ADGRB3: variants seen among roughly 807,000 people sequenced by gnomAD.
ADGRB3 encodes adhesion G protein-coupled receptor B3.
Under a neutral mutation model 193.4 loss-of-function variants are expected in ADGRB3, and 37 were observed. That is an observed-to-expected ratio of 0.19 (90% CI 0.15 to 0.25). The LOEUF (loss-of-function observed/expected upper bound fraction) is 0.25, where lower values mean the gene tolerates loss of function less well. ADGRB3 is among the 10% of genes least tolerant of loss of function. The pLI, the probability that ADGRB3 is intolerant of heterozygous loss-of-function variation, is 1.00. For missense variants in ADGRB3, 1,637 were observed against 1,852.9 expected (o/e 0.88, Z 2.14); for synonymous variants, 690 against 644.2 (o/e 1.07, Z -1.08).
intron 3 of ADGRB3, among the ~76,000 whole-genome samples, chr6:68,826,830 A>G (rs2127382298): frequency 6.6e-6 from 1 of 152,330 alleles, no homozygotes; most frequent in East Asian, 1.9e-4. Context: ...AAGAATGACT[A>G]CATTGTTTTG....
intron 3 of ADGRB3, among the ~76,000 whole-genome samples, chr6:68,840,226 G>A (rs1183578478): frequency 6.6e-6 from 1 of 152,118 alleles, no homozygotes; most frequent in Non-Finnish European, 1.5e-5. Flanking sequence ...CACCAAGCTG[G>A]GGTGGCCAAA....
chr6:68,703,772 G>A (rs1157507437), intron 3 of ADGRB3, among the ~76,000 whole-genome samples: 6 of 151,978 alleles, frequency 3.9e-5, no homozygotes, highest in South Asian at 4.2e-4. Flanking sequence ...ACAGGCGCCC[G>A]CCACCATGCC....
chr6:68,804,384 T>C (rs188013029), intron 3 of ADGRB3, among the ~76,000 whole-genome samples: 2 of 152,350 alleles, frequency 1.3e-5, no homozygotes, highest in East Asian at 3.9e-4. Flanking sequence ...AGTAACTGCT[T>C]CTTGTGTTGC....
In ADGRB3 at chr6:68,956,687, C is replaced by T; in HGVS notation, c.1403C>T (p.Ser468Phe). 1 of 1,613,862 alleles carries T rather than the reference C, an allele frequency of 6.2e-7. No homozygotes were observed. The highest frequency in any genetic ancestry group is 8.5e-7 in the Non-Finnish European group (1 of 1,179,952). ...WNQWGHWSGC[S>F]KSCDGGWERR... is the part of the protein sequence containing the mutation. ...CAGTGGGGTCATTGGAGTGGTTGTT[C>T]CAAGTCCTGTGATGGCGGCTGGGAA... The change falls in exon 8 of 32, where the codon TCC becomes TTC. Residue 468 changes from serine (S) to phenylalanine (F), a missense_variant. By Grantham distance (155) the Ser-to-Phe change is radical. This residue lies in a region of ADGRB3 where 641 missense variants were observed against 673.9 expected (regional missense o/e 0.95). Transcript: ENST00000370598.
At chr6:69,256,466 T>C (rs1047752975) in intron 20 of ADGRB3, among the ~76,000 whole-genome samples, 4 of 152,166 alleles carry the variant, frequency 2.6e-5, no homozygotes, top group African/African-American at 9.7e-5. Context: ...TTTGAAGCAA[T>C]TGTGAATGGG....
At chr6:68,704,784 T>C (rs1233049830) in intron 3 of ADGRB3, among the ~76,000 whole-genome samples, 3 of 152,166 alleles carry the variant, frequency 2.0e-5, no homozygotes, top group East Asian at 3.9e-4. Context: ...ATTCCATCAA[T>C]GAAAGTAAAA....
At chr6:68,810,157 C>T (rs1329286401) in intron 3 of ADGRB3, among the ~76,000 whole-genome samples, 3 of 152,102 alleles carry the variant, frequency 2.0e-5, no homozygotes, top group Non-Finnish European at 4.4e-5. Flanking sequence ...GGAAATTGCT[C>T]AGTTGATAAG....
At chr6:68,751,237 C>T (rs761414450) in intron 3 of ADGRB3, among the ~76,000 whole-genome samples, 2 of 152,110 alleles carry the variant, frequency 1.3e-5, no homozygotes, top group African/African-American at 2.4e-5. Flanking sequence ...CACTGGGTTC[C>T]TCACTGAGTT....
intron 20 of ADGRB3, among the ~76,000 whole-genome samples, chr6:69,249,419 G>A (rs1408127272): frequency 6.6e-6 from 1 of 152,222 alleles, no homozygotes; most frequent in Non-Finnish European, 1.5e-5. Flanking sequence ...AATTGAAGAA[G>A]TTAAAAGTAG....
chr6:68,798,411 C>T (rs1273115307), intron 3 of ADGRB3, among the ~76,000 whole-genome samples: 2 of 151,432 alleles, frequency 1.3e-5, no homozygotes. Flanking sequence ...ATACAGAATG[C>T]AACAGTAGAA....
intron 17 of ADGRB3, among the ~76,000 whole-genome samples, chr6:69,112,215 C>T (rs1282227095): frequency 6.6e-6 from 1 of 152,152 alleles, no homozygotes; most frequent in Non-Finnish European, 1.5e-5. Context: ...GCTACTTTGT[C>T]ATCTTCTACT....
intron 17 of ADGRB3, among the ~76,000 whole-genome samples, chr6:69,165,862 A>G (rs1775117775): frequency 6.6e-6 from 1 of 152,054 alleles, no homozygotes; most frequent in African/African-American, 2.4e-5. Context: ...TTTTATCTTT[A>G]TTTTATAGAT....
At chr6:69,384,038 G>T (rs1257719249) in intron 31 of ADGRB3, among the ~76,000 whole-genome samples, 3 of 152,000 alleles carry the variant, frequency 2.0e-5, no homozygotes, top group Non-Finnish European at 4.4e-5. Context: ...CGGAAGAGCT[G>T]AAGAGTATCT....
At chr6:68,966,644 AG>A (rs1269590895) in intron 8 of ADGRB3, among the ~76,000 whole-genome samples, 1 of 152,094 alleles carries the variant, frequency 6.6e-6, no homozygotes, top group Admixed American at 6.6e-5. Context: ...CTCTTCCCTA[AG>A]GTACTCCCAG....
chr6:69,293,704 T>C (rs1188565830), intron 20 of ADGRB3, among the ~76,000 whole-genome samples: 2 of 152,134 alleles, frequency 1.3e-5, no homozygotes, highest in Non-Finnish European at 1.5e-5. Flanking sequence ...CTTGGCTACC[T>C]TGTGGCTCTG....
chr6:68,931,090 TATTA>T (rs1423175735), intron 4 of ADGRB3, among the ~76,000 whole-genome samples: 2 of 152,016 alleles, frequency 1.3e-5, no homozygotes, highest in Non-Finnish European at 2.9e-5. Flanking sequence ...ATCCTACTTG[TATTA>T]ATTATTGTTA....
intron 29 of ADGRB3, among the ~76,000 whole-genome samples, chr6:69,368,838 A>C (rs1428760299): frequency 6.6e-6 from 1 of 152,164 alleles, no homozygotes; most frequent in African/African-American, 2.4e-5. Flanking sequence ...AGAGACTGTC[A>C]GCAAGAGGAA....
At chr6:69,126,547 G>A (rs1773857196) in intron 17 of ADGRB3, among the ~76,000 whole-genome samples, 1 of 152,154 alleles carries the variant, frequency 6.6e-6, no homozygotes, top group Non-Finnish European at 1.5e-5. Context: ...GAAGACGGGT[G>A]TCCCATCTTT....
intron 3 of ADGRB3, among the ~76,000 whole-genome samples, chr6:68,717,535 G>A (rs1765508425): frequency 6.6e-6 from 1 of 151,268 alleles, no homozygotes; most frequent in African/African-American, 2.4e-5. Context: ...GATGCATTTA[G>A]GGAAAAGTGA....
Sources: gnomAD v4.1 joint callset for allele counts (sites outside exome capture counted in the v4.1 genomes callset) on GRCh38, gnomAD v4.1.1 for gene constraint, gnomAD v4.1.1 regional missense constraint, MANE v1.5 for transcripts, NCBI Gene and HGNC (gene_info 2026-07-23, HGNC 2026-07-21) for gene names.